ARPP21: variants seen among roughly 807,000 people sequenced by gnomAD.
The protein encoded by ARPP21 is cAMP regulated phosphoprotein 21.
ARPP21 carries 69 observed loss-of-function variants against 113.2 expected under a neutral mutation model. The observed-to-expected ratio is 0.61, with a 90% CI of 0.50 to 0.74. The LOEUF (loss-of-function observed/expected upper bound fraction) is 0.74, where lower values mean the gene tolerates loss of function less well. Among genes scored for constraint, ARPP21 ranks in the 30% least tolerant of loss-of-function variants. ARPP21 has a pLI of 0.00. For synonymous variants in ARPP21, 368 were observed against 375.5 expected (o/e 0.98, Z 0.23); for missense variants, 1,070 against 1,037.4 (o/e 1.03, Z -0.43).
At chr3:35,677,255 A>C (rs778429215) in intron 1 of ARPP21, among the ~76,000 whole-genome samples, 3 of 151,822 alleles carry the variant, frequency 2.0e-5, no homozygotes, top group Non-Finnish European at 4.4e-5. Flanking sequence ...TTGGTAGCAC[A>C]GTGATTAATA....
intron 11 of ARPP21, among the ~76,000 whole-genome samples, 156 bp downstream of exon 11, chr3:35,709,226 T>G (rs1453151689): frequency 6.6e-6 from 1 of 152,208 alleles, no homozygotes; most frequent in Non-Finnish European, 1.5e-5. Context: ...GAAGAGGATC[T>G]GGTTCAGGGA....
intron 19 of ARPP21, among the ~76,000 whole-genome samples, chr3:35,779,970 C>T (rs976038421): frequency 1.3e-5 from 2 of 152,160 alleles, no homozygotes; most frequent in Non-Finnish European, 2.9e-5. Context: ...CTTTCACATC[C>T]CCTTGCCCAG....
intron 1 of ARPP21, among the ~76,000 whole-genome samples, chr3:35,660,180 A>T (rs948749103): frequency 2.6e-5 from 4 of 152,200 alleles, no homozygotes; most frequent in South Asian, 4.1e-4. Flanking sequence ...TATCACTTCT[A>T]AATTACTGAA....
intron 9 of ARPP21, among the ~76,000 whole-genome samples, chr3:35,700,287 G>T (rs764363007): frequency 6.6e-6 from 1 of 151,780 alleles, no homozygotes; most frequent in African/African-American, 2.4e-5. Flanking sequence ...TTTTAGGCTT[G>T]CTTCTCAGTG....
At chr3:35,758,197 T>C (rs2095640618) in intron 19 of ARPP21, among the ~76,000 whole-genome samples, 4 of 152,052 alleles carry the variant, frequency 2.6e-5, no homozygotes, top group South Asian at 4.1e-4. Context: ...CAGTGTCTTG[T>C]AGAGAAACAG....
chr3:35,667,966 GAAGAAGAAGAA>G (rs2075120166), intron 1 of ARPP21, among the ~76,000 whole-genome samples: 3 of 103,724 alleles, frequency 2.9e-5, no homozygotes, highest in East Asian at 5.4e-4. Flanking sequence ...AGAAGAAGAA[GAAGAAGAAGAA>G]GAAGAAGAAG....
intron 9 of ARPP21, among the ~76,000 whole-genome samples, chr3:35,692,862 T>G (rs2082641505): frequency 6.6e-6 from 1 of 151,728 alleles, no homozygotes; most frequent in South Asian, 2.1e-4. Context: ...AGCTATTGGA[T>G]AGAGCAGATA....
chr3:35,761,563 TA>T (rs1424581453), intron 19 of ARPP21, among the ~76,000 whole-genome samples: 2 of 151,988 alleles, frequency 1.3e-5, no homozygotes, highest in African/African-American at 2.4e-5. Flanking sequence ...ACTCTGTTGC[TA>T]AAAAAACAAA....
intron 19 of ARPP21, among the ~76,000 whole-genome samples, chr3:35,766,650 G>C (rs2095989336): frequency 6.6e-6 from 1 of 152,110 alleles, no homozygotes; most frequent in African/African-American, 2.4e-5. Context: ...TACTCTCCAA[G>C]TATATTTGAA....
At chr3:35,780,645 C>T (rs1315305644) in intron 19 of ARPP21, among the ~76,000 whole-genome samples, 1 of 152,022 alleles carries the variant, frequency 6.6e-6, no homozygotes, top group African/African-American at 2.4e-5. Context: ...CAAGGCCCAA[C>T]AGAGATTCTC....
Position 35,737,256 on chromosome 3 carries a change from T to C in ARPP21, c.1538T>C (p.Met513Thr), listed in dbSNP as rs566433210. Residue 513 changes from methionine to threonine, a missense_variant, in exon 16 of 21, where the codon ATG (methionine) becomes ACG (threonine). By Grantham distance (81) the Met-to-Thr change is moderately conservative. Transcript: ENST00000684406. ...AGTCAGCAGCCCCTGCGAAGCGCCATGGTGGGGCAGTCCCAACAGCAGCCA... is the reference window on the plus strand; with the variant it reads ...AGTCAGCAGCCCCTGCGAAGCGCCACGGTGGGGCAGTCCCAACAGCAGCCA... Reference protein sequence around the residue: ...PTSQQPLRSAMVGQSQQQPPQ... With the variant: ...PTSQQPLRSATVGQSQQQPPQ... 19 of 1,612,952 alleles carry C rather than the reference T, an allele frequency of 1.2e-5. No individual in the cohort carries two copies. The South Asian group carries it at 1.8e-4, about 15-fold the overall frequency.
rs371102133 is a variant in ARPP21 at position 35,683,988 on chromosome 3, T to G, written c.261+173T>G. 3.6e-6 allele frequency: 5 copies of G among 1,406,502 alleles called. No homozygotes were observed. The African/African-American group carries it at 7.1e-5, about 20-fold the overall frequency. The allele number at this position is 1,406,502 out of a possible 1,614,324, so 87.1% of individuals were successfully genotyped here. A position where few individuals can be genotyped will look rare whatever the true frequency, so the allele number is the denominator to read the frequency against. ...CAACATTCTAAAATAGTTTAATGGT[T>G]TGTCACAGAGTATTAAATTTGTTTT... On this transcript the variant is annotated intron_variant, in intron 5 of 20. Coordinates refer to ENST00000684406, the MANE Select transcript of ARPP21 (RefSeq NM_001385562.1).
At chr3:35,717,495 T>TCTCTTTGTAA (rs1304804538) in intron 13 of ARPP21, 138 bp downstream of exon 13, 8 of 592,242 alleles carry the variant, frequency 1.4e-5, no homozygotes, top group Non-Finnish European at 2.1e-5. Flanking sequence ...GCTTGTTAAA[T>TCTCTTTGTAA]AGCTAGCGTG....
intron 15 of ARPP21, among the ~76,000 whole-genome samples, chr3:35,736,571 A>AGAT (rs1469010884): frequency 1.3e-5 from 2 of 152,232 alleles, no homozygotes; most frequent in African/African-American, 4.8e-5. Context: ...TTCCATTACA[A>AGAT]GATGATTCTG....
At chr3:35,704,886 G>A (rs1283891254) in intron 9 of ARPP21, among the ~76,000 whole-genome samples, 1 of 151,986 alleles carries the variant, frequency 6.6e-6, no homozygotes, top group African/African-American at 2.4e-5. Flanking sequence ...TCTAATTCTG[G>A]TTAGTGCTTT....
At chr3:35,777,196 C>G (rs1456661035) in intron 19 of ARPP21, among the ~76,000 whole-genome samples, 1 of 152,100 alleles carries the variant, frequency 6.6e-6, no homozygotes, top group African/African-American at 2.4e-5. Context: ...TGGAATAATT[C>G]TGGAGAGAAT....
At chr3:35,701,706 G>T (rs2086469520) in intron 9 of ARPP21, among the ~76,000 whole-genome samples, 1 of 151,244 alleles carries the variant, frequency 6.6e-6, no homozygotes. Context: ...TTAGTAAATG[G>T]ATGTTTATAT....
chr3:35,686,338 A>G (rs1282869059), intron 5 of ARPP21, among the ~76,000 whole-genome samples: 1 of 151,784 alleles, frequency 6.6e-6, no homozygotes, highest in Non-Finnish European at 1.5e-5. Context: ...AATTACACTC[A>G]GGTTTTACAA....
At chr3:35,697,758 G>T (rs756055349) in intron 9 of ARPP21, among the ~76,000 whole-genome samples, 66 of 151,692 alleles carry the variant, frequency 4.4e-4, no homozygotes, top group Non-Finnish European at 8.1e-4. Flanking sequence ...TGGCCCTTAA[G>T]CATTTCACTC....
Sources: allele counts gnomAD v4.1 joint callset (sites outside exome capture counted in the v4.1 genomes callset), GRCh38; gene constraint gnomAD v4.1.1; transcripts MANE v1.5; gene names NCBI Gene and HGNC (gene_info 2026-07-23, HGNC 2026-07-21).